KMT2C: variants seen among roughly 807,000 people sequenced by gnomAD.
The protein encoded by KMT2C is lysine methyltransferase 2C.
Under a neutral mutation model 507.9 loss-of-function variants are expected in KMT2C, and 88 were observed. The ratio of observed to expected loss-of-function variants is 0.17; its 90% CI spans 0.15 to 0.21. The LOEUF (loss-of-function observed/expected upper bound fraction) is 0.21. Ranked by LOEUF, KMT2C falls within the 10% of genes least tolerant of loss-of-function variation. The probability of loss-of-function intolerance (pLI) is 1.00; values close to 1 mark genes in which losing one functional copy is unlikely to be tolerated. For synonymous variants in KMT2C, 2,049 were observed against 2,080.8 expected, an observed-to-expected ratio of 0.98 and a Z score of 0.42; for missense variants, 4,954 against 5,957.8, an observed-to-expected ratio of 0.83 and a Z score of 5.55.
At chr7:152,260,060 T>C (rs1311050156) in intron 9 of KMT2C, among the ~76,000 whole-genome samples, 1 of 152,154 alleles carries the variant, frequency 6.6e-6, no homozygotes, top group Admixed American at 6.5e-5. Context: ...AAATCCAACA[T>C]CCCTGTGAGG....
At chr7:152,250,140 T>A (rs936383023) in intron 12 of KMT2C, among the ~76,000 whole-genome samples, 187 bp from the exon 13 acceptor site, 1 of 152,196 alleles carries the variant, frequency 6.6e-6, no homozygotes, top group Non-Finnish European at 1.5e-5. Flanking sequence ...ATGGTAAAAA[T>A]TTTTTAATTG....
intron 1 of KMT2C, among the ~76,000 whole-genome samples, chr7:152,421,520 G>GA (rs1158417936): frequency 6.6e-6 from 1 of 152,134 alleles, no homozygotes; most frequent in Non-Finnish European, 1.5e-5. Flanking sequence ...ACTGGATAAA[G>GA]AAAACATGGT....
chr7:152,409,493 G>C (rs148983526), intron 1 of KMT2C, among the ~76,000 whole-genome samples: 2 of 125,538 alleles, frequency 1.6e-5, no homozygotes, highest in Admixed American at 7.7e-5. Flanking sequence ...CGAGGCAGGT[G>C]CATCAGGAGG....
Position 152,356,897 on chromosome 7 carries a change from GAATAATAATAATAAT to G in KMT2C, c.250+1675_250+1689del, listed in dbSNP as rs55935930. Among the ~76,000 whole-genome samples the G allele has an allele frequency of 4.1e-3, 574 of 138,324 alleles. 2 individuals are homozygous for G. The highest frequency in any genetic ancestry group is 0.014 in the African/African-American group (528 of 36,926). The allele number at this position is 138,324 out of a possible 152,430, so 90.7% of individuals were successfully genotyped here. On this transcript the variant is annotated intron_variant, in intron 2 of 58. Transcript: ENST00000262189. The stretch of plus-strand genomic sequence containing the variant: ...CAAGAGTGAGACTCCAACTCAAAAA[GAATAATAATAATAAT>G]AATAATAATAATAATAATAATAGCA...
chr7:152,164,766 A>C (rs908474213), intron 42 of KMT2C, among the ~76,000 whole-genome samples: 2 of 152,254 alleles, frequency 1.3e-5, no homozygotes, highest in Non-Finnish European at 2.9e-5. Flanking sequence ...TAGACTCTTA[A>C]TATAATGGCT....
At chr7:152,185,979 A>G (rs2093615182) in intron 33 of KMT2C, among the ~76,000 whole-genome samples, 1 of 152,226 alleles carries the variant, frequency 6.6e-6, no homozygotes, top group Admixed American at 6.5e-5. Flanking sequence ...CATCTGTGCT[A>G]AACAGAAATC....
intron 6 of KMT2C, among the ~76,000 whole-genome samples, chr7:152,294,068 G>A (rs531224879): frequency 7.1e-6 from 1 of 141,024 alleles, no homozygotes; most frequent in Admixed American, 7.3e-5. Context: ...ACAGGGTCTT[G>A]TCACATTGCC....
intron 2 of KMT2C, among the ~76,000 whole-genome samples, chr7:152,331,696 T>C (rs2096885569): frequency 2.1e-5 from 3 of 144,482 alleles, no homozygotes; most frequent in East Asian, 4.1e-4. Context: ...CCACCCAGGC[T>C]GGAATGCAAT....
intron 23 of KMT2C, among the ~76,000 whole-genome samples, chr7:152,208,681 C>CATTTTATCAA (rs1336702168): frequency 1.3e-5 from 2 of 152,148 alleles, no homozygotes; most frequent in Non-Finnish European, 2.9e-5. Flanking sequence ...AGGAAAAAGA[C>CATTTTATCAA]ATGTTTATCA....
intron 24 of KMT2C, among the ~76,000 whole-genome samples, chr7:152,205,659 A>G (rs1187154646): frequency 2.0e-5 from 3 of 152,202 alleles, no homozygotes; most frequent in Non-Finnish European, 2.9e-5. Flanking sequence ...CCCACCACAT[A>G]CAGACATCAC....
intron 23 of KMT2C, among the ~76,000 whole-genome samples, chr7:152,216,979 C>T (rs566896868): frequency 6.6e-6 from 1 of 152,320 alleles, no homozygotes; most frequent in East Asian, 1.9e-4. Flanking sequence ...CCTATGGGCT[C>T]ATCCTGGTTC....
At chr7:152,155,399 A>C (rs2091972042) in intron 46 of KMT2C, among the ~76,000 whole-genome samples, 1 of 152,318 alleles carries the variant, frequency 6.6e-6, no homozygotes, top group South Asian at 2.1e-4. Flanking sequence ...TCATCTACTA[A>C]GGGAACTTGA....
At position 152,251,940 on chromosome 7, in the gene KMT2C, T is replaced by C. The variant is rs780224894; in HGVS notation, c.1620A>G (p.Thr540=). The C allele has an allele frequency of 1.3e-6, 2 of 1,582,666 alleles. No homozygotes were observed. Among genetic ancestry groups the C allele is most frequent in the African/African-American group, 1.4e-5 (1 of 73,544 alleles). Residue 540 remains threonine (T), a splice_region_variant and synonymous_variant, in exon 11 of 59, where the codon ACA becomes ACG. Coordinates refer to ENST00000262189, the MANE Select transcript of KMT2C (RefSeq NM_170606.3). ...GEEVEIAELT[T]DYNNEMEVEG... ...AAAAAAAATCATTCTCAAATTTACC[T>C]GTAGTGAGCTCAGCTATCTCCACTT...
intron 18 of KMT2C, among the ~76,000 whole-genome samples, chr7:152,227,401 C>T (rs1409977548): frequency 1.3e-5 from 2 of 152,204 alleles, no homozygotes; most frequent in African/African-American, 2.4e-5. Flanking sequence ...CGGATACACG[C>T]TTCAACTATA....
chr7:152,210,273 C>T (rs2094423998), intron 23 of KMT2C, among the ~76,000 whole-genome samples: 1 of 152,162 alleles, frequency 6.6e-6, no homozygotes, highest in Non-Finnish European at 1.5e-5. Flanking sequence ...ATGGTCAGCA[C>T]AAATCACCCC....
intron 7 of KMT2C, among the ~76,000 whole-genome samples, chr7:152,269,243 A>G (rs1221214544): frequency 6.6e-6 from 1 of 152,230 alleles, no homozygotes; most frequent in Non-Finnish European, 1.5e-5. Context: ...ATTACTATGG[A>G]TCATTGGTAA....
rs376459513 is a variant in KMT2C, at chr7:152,310,080, A to G, written c.740-5T>C. The G allele has an allele frequency of 7.3e-5, 116 of 1,582,626 alleles. No homozygotes were observed. The highest frequency in any genetic ancestry group is 9.0e-5 in the Non-Finnish European group (104 of 1,158,282). ...GGTGATGAGCCCAACAAGTGCCTAA[A>G]ATGGGAAAAATGAAAAGGAGCAAAT... On this transcript the variant is annotated splice_polypyrimidine_tract_variant and splice_region_variant and intron_variant, in intron 5 of 58. Coordinates refer to ENST00000262189, the MANE Select transcript of KMT2C (RefSeq NM_170606.3).
intron 1 of KMT2C, among the ~76,000 whole-genome samples, chr7:152,423,807 T>C (rs188034489): frequency 2.0e-5 from 3 of 152,120 alleles, no homozygotes; most frequent in African/African-American, 7.2e-5. Context: ...CTGTCAAGAG[T>C]CCAGGATGCT....
chr7:152,317,834 T>TG (rs1256851978), intron 3 of KMT2C, among the ~76,000 whole-genome samples: 6 of 152,106 alleles, frequency 3.9e-5, no homozygotes, highest in Non-Finnish European at 7.4e-5. Flanking sequence ...AGTGAGACCC[T>TG]GCCTGTATTT....
Sources: gnomAD v4.1 joint callset for allele counts (sites outside exome capture counted in the v4.1 genomes callset) on GRCh38, gnomAD v4.1.1 for gene constraint, MANE v1.5 for transcripts, NCBI Gene and HGNC (gene_info 2026-07-23, HGNC 2026-07-21) for gene names.